The following SNX33 variants were observed in gnomAD, a reference collection of about 807,000 sequenced individuals.
The protein encoded by SNX33 is sorting nexin-33.
Under a neutral mutation model 38.8 loss-of-function variants are expected in SNX33, and 19 were observed. The ratio of observed to expected loss-of-function variants is 0.49; its 90% CI spans 0.34 to 0.72. The LOEUF (loss-of-function observed/expected upper bound fraction) is 0.72. SNX33 is among the 30% of genes least tolerant of loss of function. SNX33 has a pLI of 0.01. For synonymous variants in SNX33, 246 were observed against 289.7 expected (o/e 0.85, Z 1.53); for missense variants, 641 against 776.4 (o/e 0.83, Z 2.07).
At position 75,647,919 on chromosome 15, in the gene SNX33, T is replaced by C; in HGVS notation, c.-1184T>C. On this transcript the variant is annotated 5_prime_UTR_variant, in exon 1 of 2. Coordinates refer to ENST00000308527, the MANE Select transcript of SNX33 (RefSeq NM_153271.2). ...ACGCCACCTCCCGGAATCGCCTTTT[T>C]GTTTTGGAGCTGCCTTCTCGCTGGC... is the stretch of plus-strand genomic sequence containing the variant. The C allele has an allele frequency of 1.0e-6, 1 of 985,538 alleles. No homozygotes were observed. Among genetic ancestry groups the C allele is most frequent in the Non-Finnish European group, 1.2e-6 (1 of 829,954 alleles). 61.0% of individuals were successfully genotyped at this position (985,538 alleles called of 1,614,324 possible). A position where few individuals can be genotyped will look rare whatever the true frequency, so the allele number is the denominator to read the frequency against.
rs901476799 is a variant in SNX33 at position 75,659,984 on chromosome 15, G to T, written c.*2769G>T. On this transcript the variant is annotated 3_prime_UTR_variant, in exon 2 of 2. Transcript: ENST00000308527. ...TGGGGGAACTTGGGGCCGTTCTGGG[G>T]TAGCTAAGCCCCTTTCAGCAGGAGA... The T allele has an allele frequency of 6.6e-6, 1 of 151,618 alleles. No homozygotes were observed. The highest frequency in any genetic ancestry group is 2.4e-5 in the African/African-American group (1 of 41,166). The allele number at this position is 151,618 out of a possible 1,614,324, so 9.4% of individuals were successfully genotyped here. A position where few individuals can be genotyped will look rare whatever the true frequency, so the allele number is the denominator to read the frequency against.
At position 75,657,167 on chromosome 15, in the gene SNX33, G is replaced by A; in HGVS notation, c.1677G>A (p.Arg559=). 6.2e-7 allele frequency: 1 copy of A among 1,614,138 alleles called. No individual in the cohort carries two copies. The highest frequency in any genetic ancestry group is 8.5e-7 in the Non-Finnish European group (1 of 1,179,992). ...GCCAGCAGATCCTCTTCTACCAGCG[G>A]GTGGGCCAGCAGCTGGAGAAGACCC... ...YLRQQILFYQ[R]VGQQLEKTLR... is the part of the protein sequence containing the mutation. The change falls in exon 2 of 2, where the codon CGG becomes CGA. Residue 559 remains arginine (R), a synonymous_variant. Transcript: ENST00000308527. The surrounding 1 kb of genome is among the most constrained non-coding windows in gnomAD (Gnocchi z 5.5).
rs769786143 is a variant in SNX33, at chr15:75,649,858, C to T, written c.756C>T (p.Tyr252=). Residue 252 remains tyrosine, a synonymous_variant, in exon 1 of 2, where the codon TAC becomes TAT. Coordinates refer to ENST00000308527, the MANE Select transcript of SNX33 (RefSeq NM_153271.2). The surrounding 1 kb of genome is among the most constrained non-coding windows in gnomAD (Gnocchi z 6.6). ...AGGGCATCAAAAGCTACATCTCCTACAAGCTCACACCCACCCATGCTGCCT... is the reference window on the plus strand; with the variant it reads ...AGGGCATCAAAAGCTACATCTCCTATAAGCTCACACCCACCCATGCTGCCT... The part of the protein sequence containing the change: ...KFKGIKSYIS[Y]KLTPTHAASP... 3 of 1,530,866 alleles carry T rather than the reference C, an allele frequency of 2.0e-6. No homozygotes were observed. The highest frequency in any genetic ancestry group is 2.6e-6 in the Non-Finnish European group (3 of 1,140,832). The allele number at this position is 1,530,866 out of a possible 1,614,324, so 94.8% of individuals were successfully genotyped here.
intron 1 of SNX33, among the ~76,000 whole-genome samples, chr15:75,653,664 C>T (rs1489223438): frequency 6.6e-6 from 1 of 152,190 alleles, no homozygotes; most frequent in African/African-American, 2.4e-5. Context: ...GGTGCTCCTT[C>T]ACTGGTCCTG....
At chr15:75,653,204 G>A (rs1757046600) in intron 1 of SNX33, among the ~76,000 whole-genome samples, 1 of 152,120 alleles carries the variant, frequency 6.6e-6, no homozygotes, top group Non-Finnish European at 1.5e-5. Flanking sequence ...AAATAAAATG[G>A]GACATAAACC....
rs1304031042 is a variant in SNX33, at chr15:75,660,495, A to C, written c.*3280A>C. 1 of 152,824 alleles carries C rather than the reference A, an allele frequency of 6.5e-6. No homozygotes were observed. Among genetic ancestry groups the C allele is most frequent in the Non-Finnish European group, 1.5e-5 (1 of 68,130 alleles). The allele number at this position is 152,824 out of a possible 1,614,324, so 9.5% of individuals were successfully genotyped here. A position where few individuals can be genotyped will look rare whatever the true frequency, so the allele number is the denominator to read the frequency against. ...GTAATCGCTCAGTCTCACAACAAGCACACGCAGTCACACACCTGCCCACAG... is the reference window on the plus strand; with the variant it reads ...GTAATCGCTCAGTCTCACAACAAGCCCACGCAGTCACACACCTGCCCACAG... On this transcript the variant is annotated 3_prime_UTR_variant, in exon 2 of 2. Coordinates refer to ENST00000308527, the MANE Select transcript of SNX33 (RefSeq NM_153271.2).
chr15:75,652,133 C>T (rs1307705899), intron 1 of SNX33, among the ~76,000 whole-genome samples: 3 of 152,136 alleles, frequency 2.0e-5, no homozygotes, highest in African/African-American at 7.2e-5. Flanking sequence ...GTGCCTTTGC[C>T]CCTCTGGGCC....
intron 1 of SNX33, among the ~76,000 whole-genome samples, chr15:75,652,352 CAA>C (rs1014854184): frequency 1.3e-5 from 2 of 152,204 alleles, no homozygotes; most frequent in Non-Finnish European, 2.9e-5. Flanking sequence ...TCCCTGAGCA[CAA>C]GTGGGAAGGC....
In SNX33 at chr15:75,650,466, A is replaced by C; in HGVS notation, c.1364A>C (p.Glu455Ala). Residue 455 changes from glutamate (E) to alanine (A), a missense_variant, in exon 1 of 2, where the codon GAG (glutamate) becomes GCG (alanine). Physicochemically the swap from Glu to Ala is moderately radical, Grantham distance 107. This residue lies in a region of SNX33 where 398 missense variants were observed against 542.5 expected (regional missense o/e 0.73). Transcript: ENST00000308527. The surrounding 1 kb of genome is among the most constrained non-coding windows in gnomAD (Gnocchi z 6.1). Reference sequence around the variant, plus strand: ...GGCCGTACCTATGAAGCCATCGGGGAGATGTTTGCTGAGCAGCCCAAGAAT... The same window carrying C: ...GGCCGTACCTATGAAGCCATCGGGGCGATGTTTGCTGAGCAGCCCAAGAAT... Reference protein sequence around the residue: ...HTGRTYEAIGEMFAEQPKNDL... With the variant: ...HTGRTYEAIGAMFAEQPKNDL... 6.2e-7 allele frequency: 1 copy of C among 1,614,086 alleles called. No homozygotes were observed. Among genetic ancestry groups the C allele is most frequent in the Non-Finnish European group, 8.5e-7 (1 of 1,180,016 alleles).
rs1465802810 is a variant in SNX33, at chr15:75,649,610, C to T, written c.508C>T (p.Leu170=). 1.2e-6 allele frequency: 2 copies of T among 1,613,720 alleles called. No individual in the cohort carries two copies. The highest frequency in any genetic ancestry group is 8.5e-7 in the Non-Finnish European group (1 of 1,179,780). ...PKPPLERQDS[L]ASAKRGSVVG... ...GCCACCACTGGAGCGGCAGGACAGC[C>T]TGGCATCTGCCAAGCGAGGCAGTGT... Residue 170 remains leucine (L), a synonymous_variant, in exon 1 of 2, where the codon CTG becomes TTG. Transcript: ENST00000308527. The surrounding 1 kb of genome is among the most constrained non-coding windows in gnomAD (Gnocchi z 6.6).
In SNX33 at chr15:75,657,542, T is replaced by C; in HGVS notation, c.*327T>C. 2.4e-6 allele frequency: 1 copy of C among 416,740 alleles called. No individual in the cohort carries two copies. The highest frequency in any genetic ancestry group is 4.5e-6 in the Non-Finnish European group (1 of 222,598). 25.8% of individuals were successfully genotyped at this position (416,740 alleles called of 1,614,324 possible). A position where few individuals can be genotyped will look rare whatever the true frequency, so the allele number is the denominator to read the frequency against. On this transcript the variant is annotated 3_prime_UTR_variant, in exon 2 of 2. Coordinates refer to ENST00000308527, the MANE Select transcript of SNX33 (RefSeq NM_153271.2). The surrounding 1 kb of genome is among the most constrained non-coding windows in gnomAD (Gnocchi z 5.5). ...CTATTTTGCTTGCTCACCTGGCCAC[T>C]GCTGCCTTATCCATTCAGCAGACAC...
In SNX33 at chr15:75,650,721, C is replaced by T. The variant is rs935442792; in HGVS notation, c.1471+148C>T. The T allele has an allele frequency of 2.9e-5, 33 of 1,138,492 alleles. No homozygotes were observed. The highest frequency in any genetic ancestry group is 1.9e-4 in the African/African-American group (12 of 63,342). 70.5% of individuals were successfully genotyped at this position (1,138,492 alleles called of 1,614,324 possible). The stretch of plus-strand genomic sequence containing the variant: ...TTTAACAAATGTGTTGGGCTGGGCA[C>T]GGTGGCTTACGCTTGTAATCTCAGC... On this transcript the variant is annotated intron_variant, in intron 1 of 1. Coordinates refer to ENST00000308527, the MANE Select transcript of SNX33 (RefSeq NM_153271.2). The surrounding 1 kb of genome is among the most constrained non-coding windows in gnomAD (Gnocchi z 6.1).
In SNX33 at chr15:75,649,429, T is replaced by TGAG; in HGVS notation, c.333_335dup (p.Glu111dup). The TGAG allele has an allele frequency of 6.5e-7, 1 of 1,537,668 alleles. No homozygotes were observed. Among genetic ancestry groups the TGAG allele is most frequent in the Non-Finnish European group, 8.8e-7 (1 of 1,139,674 alleles). Reference sequence around the variant, plus strand: ...GCTTCCTCTCAAACCAGGGTAGCTTTGAGGAGGATGATGATGATGACTGGG... The same window carrying TGAG: ...GCTTCCTCTCAAACCAGGGTAGCTTTGAGGAGGAGGATGATGATGATGACTGGG... On this transcript the variant is annotated inframe_insertion, in exon 1 of 2. Coordinates refer to ENST00000308527, the MANE Select transcript of SNX33 (RefSeq NM_153271.2). The surrounding 1 kb of genome is among the most constrained non-coding windows in gnomAD (Gnocchi z 6.6).
intron 1 of SNX33, among the ~76,000 whole-genome samples, chr15:75,655,175 G>A (rs561132732): frequency 1.6e-3 from 242 of 152,358 alleles, no homozygotes; most frequent in African/African-American, 5.5e-3. Flanking sequence ...AGTGGTGTCC[G>A]ACCCCCAGCT....
In SNX33 at chr15:75,648,477, AC is replaced by A. The variant is rs1000117540; in HGVS notation, c.-625del. 25 of 984,882 alleles carry A rather than the reference AC, an allele frequency of 2.5e-5. No individual in the cohort carries two copies. The African/African-American group carries it at 4.4e-4, about 17-fold the overall frequency. The allele number at this position is 984,882 out of a possible 1,614,324, so 61.0% of individuals were successfully genotyped here. On this transcript the variant is annotated 5_prime_UTR_variant, in exon 1 of 2. Coordinates refer to ENST00000308527, the MANE Select transcript of SNX33 (RefSeq NM_153271.2). This position sits in a 1 kb window ranked among gnomAD's most constrained non-coding sequence, Gnocchi z 4.4. ...TGAAGCCGGACACATCCACCCTTGG[AC>A]TCGATTCAGGCGGCTGCTGCTTTTC...
chr15:75,648,483 T>C lies in SNX33; in HGVS notation c.-620T>C, dbSNP rs1034094771. Reference sequence around the variant, plus strand: ...CGGACACATCCACCCTTGGACTCGATTCAGGCGGCTGCTGCTTTTCTCCTT... The same window carrying C: ...CGGACACATCCACCCTTGGACTCGACTCAGGCGGCTGCTGCTTTTCTCCTT... On this transcript the variant is annotated 5_prime_UTR_variant, in exon 1 of 2. Transcript: ENST00000308527. This position sits in a 1 kb window ranked among gnomAD's most constrained non-coding sequence, Gnocchi z 4.4. The C allele has an allele frequency of 2.0e-6, 2 of 985,306 alleles. No individual in the cohort carries two copies. Among genetic ancestry groups the C allele is most frequent in the African/African-American group, 3.5e-5 (2 of 57,230 alleles). 61.0% of individuals were successfully genotyped at this position (985,306 alleles called of 1,614,324 possible).
rs1441013363 is a variant in SNX33, at chr15:75,650,274, G to T, written c.1172G>T (p.Ser391Ile). ...GCCTTCAGTAAGAAGATGGACGACA[G>T]CGTCCTGCAGCTCAGCACTGTGGCA... The part of the protein sequence containing the change: ...FKAFSKKMDD[S>I]VLQLSTVASE... Residue 391 changes from serine to isoleucine, a missense_variant, in exon 1 of 2, where the codon AGC becomes ATC. Ser to Ile is a moderately radical substitution (Grantham distance 142, BLOSUM62 -2). Around this residue, in one of 2 missense-constraint regions of SNX33, gnomAD observed 398 missense variants for 542.5 expected, o/e 0.73. Transcript: ENST00000308527. The surrounding 1 kb of genome is among the most constrained non-coding windows in gnomAD (Gnocchi z 6.1). 1 of 1,588,056 alleles carries T rather than the reference G, an allele frequency of 6.3e-7. No homozygotes were observed. The highest frequency in any genetic ancestry group is 2.2e-5 in the East Asian group (1 of 44,598).
intron 1 of SNX33, among the ~76,000 whole-genome samples, chr15:75,655,351 G>A (rs548135816): frequency 1.9e-3 from 290 of 152,368 alleles, no homozygotes; most frequent in African/African-American, 6.8e-3. Flanking sequence ...CCTATCCTGG[G>A]CCTTGGGGTG....
chr15:75,650,439 C>T lies in SNX33; in HGVS notation c.1337C>T (p.Thr446Met), dbSNP rs757462528. The change falls in exon 1 of 2, where the codon ACG (threonine) becomes ATG (methionine). Residue 446 changes from threonine (T) to methionine (M), a missense_variant. By Grantham distance (81) the Thr-to-Met change is moderately conservative (BLOSUM62 -1). Around this residue, in one of 2 missense-constraint regions of SNX33, gnomAD observed 398 missense variants for 542.5 expected, o/e 0.73. Coordinates refer to ENST00000308527, the MANE Select transcript of SNX33 (RefSeq NM_153271.2). The surrounding 1 kb of genome is among the most constrained non-coding windows in gnomAD (Gnocchi z 6.1). ...SEALNSAISH[T>M]GRTYEAIGEM... ...GCCCTCAACAGTGCCATTTCTCACA[C>T]GGGCCGTACCTATGAAGCCATCGGG... 1.4e-5 allele frequency: 22 copies of T among 1,614,062 alleles called. No individual in the cohort carries two copies. Among genetic ancestry groups the T allele is most frequent in the Non-Finnish European group, 1.7e-5 (20 of 1,180,058 alleles).
Sources: gnomAD v4.1 joint callset for allele counts (sites outside exome capture counted in the v4.1 genomes callset) on GRCh38, gnomAD v4.1.1 for gene constraint, gnomAD v4.1.1 regional missense constraint, Gnocchi (gnomAD v3.1) non-coding constraint, MANE v1.5 for transcripts, NCBI Gene and HGNC (gene_info 2026-07-23, HGNC 2026-07-21) for gene names.